ARMH1: variants seen among roughly 807,000 people sequenced by gnomAD.
ARMH1 encodes the protein armadillo like helical domain containing 1.
Under a neutral mutation model 50.2 loss-of-function variants are expected in ARMH1, and 34 were observed. The ratio of observed to expected loss-of-function variants is 0.68; its 90% confidence interval spans 0.51 to 0.90. ARMH1 has a LOEUF of 0.90. Among genes scored for constraint, ARMH1 ranks in the 40% least tolerant of loss-of-function variants. ARMH1 has a pLI of 0.00. For missense variants in ARMH1, 538 were observed against 553.9 expected, an observed-to-expected ratio of 0.97 and a Z score of 0.29; for synonymous variants, 221 against 224.2, an observed-to-expected ratio of 0.99 and a Z score of 0.13.
At chr1:44,723,484 C>A (rs957091479) in intron 6 of ARMH1, among the ~76,000 whole-genome samples, 9 of 152,158 alleles carry the variant, frequency 5.9e-5, no homozygotes, top group Non-Finnish European at 1.2e-4. Flanking sequence ...CCTTCCTAAC[C>A]AAATCCTCCC....
Position 44,723,863 on chromosome 1 carries a change from G to A in ARMH1, c.725-259G>A, listed in dbSNP as rs1647786219. 7.0e-6 allele frequency: 3 copies of A among 427,194 alleles called. No individual in the cohort carries two copies. In the South Asian group the frequency reaches 1.2e-4, roughly 18 times the overall value. 26.5% of individuals were successfully genotyped at this position (427,194 alleles called of 1,614,324 possible). A position where few individuals can be genotyped will look rare whatever the true frequency, so the allele number is the denominator to read the frequency against. ...CTCCAAGGCGAAGGCCCCCCTCTCT[G>A]GGGTCTCAGCCTCCAGCGCTGACAT... On this transcript the variant is annotated intron_variant, in intron 6 of 11. Coordinates refer to ENST00000535358, the MANE Select transcript of ARMH1 (RefSeq NM_001145636.2).
chr1:44,676,258 C>T (rs1001331585), intron 1 of ARMH1, among the ~76,000 whole-genome samples: 1 of 152,132 alleles, frequency 6.6e-6, no homozygotes, highest in East Asian at 1.9e-4. Flanking sequence ...GTTCTGGGCA[C>T]GGTGAGCTTG....
chr1:44,689,947 C>T (rs572770304), intron 2 of ARMH1, 44 bp downstream of exon 2: 9 of 1,514,116 alleles, frequency 5.9e-6, no homozygotes, highest in South Asian at 2.4e-5. Context: ...GCACCGGGCA[C>T]GGTGGCTCAC....
At chr1:44,692,446 T>G (rs1645687978) in intron 2 of ARMH1, among the ~76,000 whole-genome samples, 1 of 152,080 alleles carries the variant, frequency 6.6e-6, no homozygotes, top group Non-Finnish European at 1.5e-5. Flanking sequence ...CTGCTTAATA[T>G]CTCTCTTTCC....
At chr1:44,680,175 G>A (rs1645261614) in intron 1 of ARMH1, among the ~76,000 whole-genome samples, 1 of 151,488 alleles carries the variant, frequency 6.6e-6, no homozygotes, top group African/African-American at 2.4e-5. Context: ...AAGTTTGTTT[G>A]TTTGTTTGTT....
At chr1:44,704,217 C>T (rs1218264529) in intron 6 of ARMH1, 44 bp downstream of exon 6, 1 of 1,387,338 alleles carries the variant, frequency 7.2e-7, no homozygotes, top group East Asian at 2.5e-5. Context: ...GAGAGCCAGA[C>T]ATATCAGCTC....
Position 44,684,075 on chromosome 1 carries a change from A to ATC in ARMH1, c.-22-5601_-22-5600insTC, listed in dbSNP as rs1296226362. On this transcript the variant is annotated intron_variant, in intron 1 of 11. Transcript: ENST00000535358. ...GGATAGCTCTTAATCAACACTCAAAAAATGTCAGTTTCTTCTCCCTGCCTT... is the reference window on the plus strand; with the variant it reads ...GGATAGCTCTTAATCAACACTCAAAATCAATGTCAGTTTCTTCTCCCTGCCTT... 8.6e-4 allele frequency among the ~76,000 whole-genome samples: 131 copies of ATC among 152,212 alleles called. 1 individual carries two copies. Among genetic ancestry groups the ATC allele is most frequent in the Admixed American group, 1.7e-3 (26 of 15,282 alleles).
At chr1:44,697,955 G>A (rs1645883771) in intron 3 of ARMH1, 108 bp from the exon 4 acceptor site, 2 of 810,854 alleles carry the variant, frequency 2.5e-6, no homozygotes, top group Non-Finnish European at 1.8e-6. Flanking sequence ...ACATTTCCTG[G>A]ATAGGAGGGC....
At chr1:44,704,710 C>T (rs867469298) in intron 6 of ARMH1, among the ~76,000 whole-genome samples, 2 of 152,120 alleles carry the variant, frequency 1.3e-5, no homozygotes, top group Non-Finnish European at 2.9e-5. Context: ...CGAGGTCTCA[C>T]TATGTTGCCC....
intron 6 of ARMH1, among the ~76,000 whole-genome samples, chr1:44,720,907 C>T (rs1036315747): frequency 6.6e-6 from 1 of 151,786 alleles, no homozygotes; most frequent in Non-Finnish European, 1.5e-5. Context: ...CGTGGTGGTG[C>T]GCACCTGTAA....
At chr1:44,692,512 A>G (rs1332499306) in intron 2 of ARMH1, among the ~76,000 whole-genome samples, 3 of 152,090 alleles carry the variant, frequency 2.0e-5, no homozygotes, top group African/African-American at 7.2e-5. Context: ...ACTTATCTTT[A>G]TATTTCTAAC....
intron 6 of ARMH1, among the ~76,000 whole-genome samples, chr1:44,709,449 G>A (rs571592424): frequency 1.1e-3 from 174 of 152,280 alleles, no homozygotes; most frequent in African/African-American, 2.5e-3. Flanking sequence ...AAGGGGGGCG[G>A]ATCACGAGGT....
At position 44,700,956 on chromosome 1, in the gene ARMH1, C is replaced by G; in HGVS notation, c.476C>G (p.Ser159Cys). Residue 159 changes from serine (S) to cysteine (C), a missense_variant, in exon 5 of 12, where the codon TCT (serine) becomes TGT (cysteine). Physicochemically the swap from Ser to Cys is moderately radical, Grantham distance 112. Coordinates refer to ENST00000535358, the MANE Select transcript of ARMH1 (RefSeq NM_001145636.2). Reference sequence around the variant, plus strand: ...TCCATAGCAGAATTTTTGGCAAAGTCTAAGTCAGAAGAGACCCAGGAGGAA... The same window carrying G: ...TCCATAGCAGAATTTTTGGCAAAGTGTAAGTCAGAAGAGACCCAGGAGGAA... ...VRSIAEFLAK[S>C]KSEETQEEVQ... The G allele has an allele frequency of 6.4e-7, 1 of 1,551,436 alleles. No individual in the cohort carries two copies. Among genetic ancestry groups the G allele is most frequent in the Non-Finnish European group, 8.7e-7 (1 of 1,146,906 alleles).
intron 6 of ARMH1, among the ~76,000 whole-genome samples, chr1:44,720,930 G>A (rs758188170): frequency 1.3e-5 from 2 of 152,044 alleles, no homozygotes; most frequent in African/African-American, 2.4e-5. Flanking sequence ...CCAGCTACTC[G>A]GGAGGCTGAG....
intron 6 of ARMH1, among the ~76,000 whole-genome samples, chr1:44,707,323 C>G (rs1252455194): frequency 2.0e-5 from 3 of 152,204 alleles, no homozygotes; most frequent in African/African-American, 7.2e-5. Context: ...CTATGCCTTT[C>G]TCCTCCAGAC....
At chr1:44,699,058 G>A (rs955701264) in intron 4 of ARMH1, among the ~76,000 whole-genome samples, 25 of 151,832 alleles carry the variant, frequency 1.6e-4, no homozygotes, top group African/African-American at 5.6e-4. Flanking sequence ...AGAGGCAGTC[G>A]GATCACGAGG....
At chr1:44,686,628 A>T (rs1645479112) in intron 1 of ARMH1, among the ~76,000 whole-genome samples, 1 of 152,180 alleles carries the variant, frequency 6.6e-6, no homozygotes, top group Non-Finnish European at 1.5e-5. Context: ...GTGAGCCAAG[A>T]TCACACCACT....
intron 6 of ARMH1, among the ~76,000 whole-genome samples, chr1:44,717,617 C>G (rs1381763744): frequency 6.6e-6 from 1 of 152,186 alleles, no homozygotes; most frequent in African/African-American, 2.4e-5. Flanking sequence ...CTGTGATGTC[C>G]CTAAGGCCAG....
In ARMH1 at chr1:44,724,967, G is replaced by A. The variant is rs1239861599; in HGVS notation, c.1128+128G>A. 4.2e-5 allele frequency: 63 copies of A among 1,498,024 alleles called. No homozygotes were observed. The highest frequency in any genetic ancestry group is 5.5e-5 in the Non-Finnish European group (62 of 1,121,020). The allele number at this position is 1,498,024 out of a possible 1,614,324, so 92.8% of individuals were successfully genotyped here. On this transcript the variant is annotated intron_variant, in intron 10 of 11. Transcript: ENST00000535358. This position sits in a 1 kb window ranked among gnomAD's most constrained non-coding sequence, Gnocchi z 6.4. ...TGGACCTGGCCACCAGCTGCAGGAGGGACTGCTCTGGCGTAGGCTCCTCCA... is the reference window on the plus strand; with the variant it reads ...TGGACCTGGCCACCAGCTGCAGGAGAGACTGCTCTGGCGTAGGCTCCTCCA...
Sources: allele counts gnomAD v4.1 joint callset (sites outside exome capture counted in the v4.1 genomes callset), GRCh38; gene constraint gnomAD v4.1.1; non-coding constraint Gnocchi (gnomAD v3.1); transcripts MANE v1.5; gene names NCBI Gene and HGNC (gene_info 2026-07-23, HGNC 2026-07-21).